Variants in PGCKA1 observed in about 807,000 individuals in gnomAD.
PGCKA1 encodes the protein PDCD10 and GCKIII kinases associated 1, also known as PDCD10 and GCKIII kinases-associated protein 1.
At chr4:37,570,862 T>C in the PGCKA1 span, among the ~76,000 whole-genome samples, 1 of 152,212 alleles carries the variant, frequency 6.6e-6, no homozygotes, top group East Asian at 1.9e-4. Flanking sequence ...GGTTTTGCTG[T>C]CTCCCAAGAT....
At chr4:37,541,567 A>G in the PGCKA1 span, among the ~76,000 whole-genome samples, 1 of 152,338 alleles carries the variant, frequency 6.6e-6, no homozygotes, top group South Asian at 2.1e-4. Context: ...CTGCACATTA[A>G]TAACAATTAG....
chr4:37,465,297 G>A, the PGCKA1 span, among the ~76,000 whole-genome samples: 1 of 151,712 alleles, frequency 6.6e-6, no homozygotes, highest in African/African-American at 2.4e-5. Context: ...ACAAGCATCT[G>A]CGGAGGTCAA....
chr4:37,524,416 T>G, the PGCKA1 span, among the ~76,000 whole-genome samples: 3 of 152,170 alleles, frequency 2.0e-5, no homozygotes, highest in Non-Finnish European at 4.4e-5. Flanking sequence ...TGACTCAAGT[T>G]GGATACTCCC....
chr4:37,527,857 A>G, the PGCKA1 span, among the ~76,000 whole-genome samples: 1 of 152,066 alleles, frequency 6.6e-6, no homozygotes, highest in African/African-American at 2.4e-5. Context: ...TTATGTTACA[A>G]TTGCCTAAAG....
At chr4:37,534,213 G>T in the PGCKA1 span, among the ~76,000 whole-genome samples, 1 of 152,200 alleles carries the variant, frequency 6.6e-6, no homozygotes, top group Non-Finnish European at 1.5e-5. Context: ...AGAATAGATA[G>T]CTGATACTTT....
At chr4:37,480,089 G>A in the PGCKA1 span, among the ~76,000 whole-genome samples, 1 of 152,216 alleles carries the variant, frequency 6.6e-6, no homozygotes, top group Non-Finnish European at 1.5e-5. Flanking sequence ...AAAGTCATCA[G>A]AAATTGGCAG....
chr4:37,562,156 C>T, the PGCKA1 span, among the ~76,000 whole-genome samples: 1 of 152,284 alleles, frequency 6.6e-6, no homozygotes, highest in East Asian at 1.9e-4. Flanking sequence ...AAATATTTTG[C>T]CCACTCTGCA....
chr4:37,583,166 G>A, the PGCKA1 span, among the ~76,000 whole-genome samples: 1 of 152,140 alleles, frequency 6.6e-6, no homozygotes, highest in Middle Eastern at 3.2e-3. Context: ...TTCTACAAGT[G>A]GATTCCTGTG....
At chr4:37,549,877 G>C in the PGCKA1 span, among the ~76,000 whole-genome samples, 8 of 152,266 alleles carry the variant, frequency 5.3e-5, no homozygotes, top group East Asian at 1.5e-3. Flanking sequence ...CCCAGAAGCT[G>C]ACTGGTCCAC....
the PGCKA1 span, among the ~76,000 whole-genome samples, chr4:37,481,464 C>CAAAAAAAAAAAAAAAAAAAA: frequency 9.8e-5 from 6 of 61,440 alleles, no homozygotes; most frequent in East Asian, 1.2e-3. Flanking sequence ...GACCTGTCTC[C>CAAAAAAAAAAAAAAAAAAAA]AAAAAAAAAA....
chr4:37,514,468 TGGATC>T, the PGCKA1 span, among the ~76,000 whole-genome samples: 1 of 152,228 alleles, frequency 6.6e-6, no homozygotes, highest in East Asian at 1.9e-4. Context: ...TAGCATTCAC[TGGATC>T]GGGATAAAAG....
chr4:37,470,068 A>T, the PGCKA1 span, among the ~76,000 whole-genome samples: 1 of 152,056 alleles, frequency 6.6e-6, no homozygotes, highest in African/African-American at 2.4e-5. Flanking sequence ...TGTATTGAAC[A>T]TCTCCCAAAT....
chr4:37,562,412 C>T, the PGCKA1 span, among the ~76,000 whole-genome samples: 2 of 152,134 alleles, frequency 1.3e-5, no homozygotes, highest in African/African-American at 2.4e-5. Context: ...AAGTTTTAGG[C>T]AGGGGAAGTG....
At chr4:37,577,242 A>G in the PGCKA1 span, among the ~76,000 whole-genome samples, 1 of 151,906 alleles carries the variant, frequency 6.6e-6, no homozygotes, top group Non-Finnish European at 1.5e-5. Context: ...AGACTTTATT[A>G]CAACTTTGAT....
At chr4:37,543,243 A>G in the PGCKA1 span, among the ~76,000 whole-genome samples, 1 of 152,158 alleles carries the variant, frequency 6.6e-6, no homozygotes, top group Non-Finnish European at 1.5e-5. Context: ...ACAGTGGAAG[A>G]AGCTACCACC....
chr4:37,577,723 C>G, the PGCKA1 span, among the ~76,000 whole-genome samples: 3 of 152,104 alleles, frequency 2.0e-5, no homozygotes, highest in Admixed American at 2.0e-4. Flanking sequence ...TTTGCTGGAT[C>G]CCATAGATTT....
the PGCKA1 span, among the ~76,000 whole-genome samples, chr4:37,520,717 C>T: frequency 6.6e-6 from 1 of 152,008 alleles, no homozygotes; most frequent in African/African-American, 2.4e-5. Flanking sequence ...TCCTGGCTTC[C>T]CGCCATTCTC....
the PGCKA1 span, among the ~76,000 whole-genome samples, chr4:37,513,617 C>T: frequency 0.061 from 9,234 of 152,072 alleles, 968 homozygotes; most frequent in African/African-American, 0.21. Context: ...GGTGTTAGGC[C>T]GTGGGTGTTA....
chr4:37,563,574 T>C, the PGCKA1 span, among the ~76,000 whole-genome samples: 1 of 152,170 alleles, frequency 6.6e-6, no homozygotes, highest in Non-Finnish European at 1.5e-5. Context: ...ACACTCACAA[T>C]GAGTTAGGGT....
Sources: gnomAD v4.1 joint callset for allele counts (sites outside exome capture counted in the v4.1 genomes callset) on GRCh38, gnomAD v4.1.1 for gene constraint, MANE v1.5 for transcripts, NCBI Gene and HGNC (gene_info 2026-07-23, HGNC 2026-07-21) for gene names.